The following IFT43 variants were observed in gnomAD, a reference collection of about 807,000 sequenced individuals.
The protein encoded by IFT43 is intraflagellar transport protein 43 homolog.
IFT43 carries 33 observed loss-of-function variants against 32.3 expected under a neutral mutation model. The observed-to-expected ratio is 1.02, with a 90% CI of 0.77 to 1.37. The LOEUF (loss-of-function observed/expected upper bound fraction) is 1.37, where lower values mean the gene tolerates loss of function less well. Among genes scored for constraint, IFT43 ranks in the 40% most tolerant of loss-of-function variants. The pLI, the probability that IFT43 is intolerant of heterozygous loss-of-function variation, is 0.00. For missense variants in IFT43, 274 were observed against 265.9 expected, an observed-to-expected ratio of 1.03 and a Z score of -0.21; for synonymous variants, 93 against 98.2, an observed-to-expected ratio of 0.95 and a Z score of 0.31.
At chr14:76,053,661 T>C (rs981847962) in intron 3 of IFT43, among the ~76,000 whole-genome samples, 1 of 152,238 alleles carries the variant, frequency 6.6e-6, no homozygotes, top group Non-Finnish European at 1.5e-5. Flanking sequence ...GAACGTTTAC[T>C]GTCACTGTCC....
chr14:76,030,712 G>A (rs995445993), intron 3 of IFT43, among the ~76,000 whole-genome samples: 3 of 152,024 alleles, frequency 2.0e-5, no homozygotes, highest in Non-Finnish European at 4.4e-5. Flanking sequence ...TACTGTTTTC[G>A]GAAGTTATTT....
intron 3 of IFT43, among the ~76,000 whole-genome samples, chr14:76,044,988 A>G (rs182560091): frequency 6.6e-6 from 1 of 152,326 alleles, no homozygotes; most frequent in Admixed American, 6.5e-5. Flanking sequence ...TTAATTGACT[A>G]TGTTACTAGT....
At chr14:76,062,917 C>CAAAAAAA (rs746158153) in intron 5 of IFT43, among the ~76,000 whole-genome samples, 9 of 72,474 alleles carry the variant, frequency 1.2e-4, no homozygotes, top group East Asian at 4.3e-4. Context: ...GATCCCATCT[C>CAAAAAAA]AAAAAAAAAA....
Position 76,072,609 on chromosome 14 carries a change from C to T in IFT43, c.296-9686C>T, listed in dbSNP as rs948767856. On this transcript the variant is annotated intron_variant, in intron 5 of 8. Transcript: ENST00000314067. ...CTTGTGCACGCGTGCATGTTTTAAA[C>T]GAAGCAGGTTGTATTAACCTTCCTC... Among the ~76,000 whole-genome samples the T allele has an allele frequency of 4.6e-5, 7 of 152,168 alleles. No homozygotes were observed. In the East Asian group the frequency reaches 9.6e-4, roughly 21 times the overall value.
At chr14:76,060,964 G>C (rs2037123746) in intron 5 of IFT43, among the ~76,000 whole-genome samples, 1 of 151,388 alleles carries the variant, frequency 6.6e-6, no homozygotes, top group Non-Finnish European at 1.5e-5. Context: ...GCAGTGCCAT[G>C]ATCTTGGGCC....
chr14:75,997,000 A>G (rs966964759), intron 2 of IFT43, among the ~76,000 whole-genome samples: 5 of 152,242 alleles, frequency 3.3e-5, no homozygotes, highest in African/African-American at 1.2e-4. Flanking sequence ...AGGTGATTAC[A>G]GAAGATATGA....
chr14:76,082,739 G>T (rs760177311), intron 7 of IFT43, 47 bp downstream of exon 7: 7 of 1,323,108 alleles, frequency 5.3e-6, no homozygotes, highest in Non-Finnish European at 7.7e-6. Flanking sequence ...CAAGCAATGG[G>T]CTTCAATCCG....
At chr14:76,026,634 G>C (rs780673664) in intron 3 of IFT43, among the ~76,000 whole-genome samples, 1 of 152,034 alleles carries the variant, frequency 6.6e-6, no homozygotes, top group Non-Finnish European at 1.5e-5. Context: ...CAGTGTTAGC[G>C]TGAGTGTAAA....
At chr14:76,056,034 G>A (rs975121670) in intron 3 of IFT43, among the ~76,000 whole-genome samples, 2 of 152,080 alleles carry the variant, frequency 1.3e-5, no homozygotes, top group Non-Finnish European at 2.9e-5. Flanking sequence ...CAGAAATTTG[G>A]ATTTTTATAC....
At chr14:76,047,954 T>C (rs2036841283) in intron 3 of IFT43, among the ~76,000 whole-genome samples, 2 of 152,064 alleles carry the variant, frequency 1.3e-5, no homozygotes, top group Admixed American at 1.3e-4. Flanking sequence ...TGAGGAGCTA[T>C]GGAGTCTGGC....
intron 5 of IFT43, among the ~76,000 whole-genome samples, chr14:76,068,397 A>G (rs2037263486): frequency 1.3e-5 from 2 of 152,230 alleles, no homozygotes; most frequent in African/African-American, 4.8e-5. Flanking sequence ...CATCCTCCCC[A>G]CATAAACTGC....
intron 2 of IFT43, among the ~76,000 whole-genome samples, chr14:76,004,696 G>C (rs1253154233): frequency 1.3e-5 from 2 of 151,978 alleles, no homozygotes; most frequent in East Asian, 3.9e-4. Flanking sequence ...CCATAAGTTT[G>C]TTCTATGTTT....
intron 5 of IFT43, among the ~76,000 whole-genome samples, chr14:76,074,860 A>C (rs1264805983): frequency 1.3e-5 from 2 of 152,140 alleles, no homozygotes; most frequent in Non-Finnish European, 2.9e-5. Flanking sequence ...AACCAAACTC[A>C]GTCCAAACCC....
chr14:76,048,041 A>G (rs2036843345), intron 3 of IFT43, among the ~76,000 whole-genome samples: 1 of 152,130 alleles, frequency 6.6e-6, no homozygotes, highest in African/African-American at 2.4e-5. Context: ...TAGAGTTAGA[A>G]AGGCCCTTAA....
chr14:75,998,357 G>A (rs2035786584), intron 2 of IFT43, among the ~76,000 whole-genome samples: 1 of 152,148 alleles, frequency 6.6e-6, no homozygotes, highest in African/African-American at 2.4e-5. Context: ...GCTGTGGGCT[G>A]GAGCTGGAGA....
Position 76,082,580 on chromosome 14 carries a change from C to T in IFT43, c.369-37C>T, listed in dbSNP as rs971012494. The T allele has an allele frequency of 2.5e-6, 4 of 1,613,774 alleles. No individual in the cohort carries two copies. The Admixed American group carries it at 5.0e-5, about 20-fold the overall frequency. ...GGCAGCACTCCTGGAACAGGTCCTG[C>T]CTGGGGTTCCCGCCTCTCGCTCTCT... On this transcript the variant is annotated intron_variant, in intron 6 of 8. Transcript: ENST00000314067.
At chr14:76,012,324 T>C (rs1266130290) in intron 2 of IFT43, among the ~76,000 whole-genome samples, 3 of 152,170 alleles carry the variant, frequency 2.0e-5, no homozygotes, top group Non-Finnish European at 2.9e-5. Flanking sequence ...GGGAACCATA[T>C]AAAGATCAGA....
chr14:76,057,113 T>G (rs2037033057), intron 3 of IFT43, among the ~76,000 whole-genome samples: 1 of 152,196 alleles, frequency 6.6e-6, no homozygotes. Context: ...TTCTCCCACC[T>G]CACTTCAGCC....
chr14:76,034,462 C>T (rs935538499), intron 3 of IFT43, among the ~76,000 whole-genome samples: 1 of 152,160 alleles, frequency 6.6e-6, no homozygotes, highest in African/African-American at 2.4e-5. Flanking sequence ...TTTGGGGAGA[C>T]ACAAATATTC....
Sources: allele counts gnomAD v4.1 joint callset (sites outside exome capture counted in the v4.1 genomes callset), GRCh38; gene constraint gnomAD v4.1.1; transcripts MANE v1.5; gene names NCBI Gene and HGNC (gene_info 2026-07-23, HGNC 2026-07-21).